The following NT5C1B variants were observed in gnomAD, a reference collection of about 807,000 sequenced individuals.
NT5C1B encodes the protein 5'-nucleotidase, cytosolic IB, also known as cytosolic 5'-nucleotidase 1B.
A neutral mutation model predicts 57.8 loss-of-function variants in NT5C1B; 44 were observed. The ratio of observed to expected loss-of-function variants is 0.76; its 90% confidence interval spans 0.60 to 0.98. The LOEUF is 0.98. NT5C1B is among the 50% of genes least tolerant of loss of function. The pLI is 0.00. For missense variants in NT5C1B, 742 were observed against 719.5 expected, an observed-to-expected ratio of 1.03 and a Z score of -0.36; for synonymous variants, 284 against 282.6, an observed-to-expected ratio of 1.00 and a Z score of -0.05.
chr2:18,576,284 G>A, exon 8 of NT5C1B: 3 of 1,613,898 alleles, frequency 1.9e-6, no homozygotes, highest in Non-Finnish European at 2.5e-6. Context: ...GAAGAGGACA[G>A]CATCCCCATC....
In NT5C1B at chr2:18,576,483, A is replaced by T. The variant is rs976756497; in HGVS notation, c.1145-115T>A. The T allele has an allele frequency of 4.3e-6, 6 of 1,382,806 alleles. No homozygotes were observed. The African/African-American group carries it at 7.3e-5, about 17-fold the overall frequency. The allele number at this position is 1,382,806 out of a possible 1,614,324, so 85.7% of individuals were successfully genotyped here. On this transcript the variant is annotated intron_variant, in intron 7 of 8. Coordinates refer to ENST00000304081, the Ensembl canonical transcript of NT5C1B. Reference sequence around the variant, plus strand: ...ATGTTTTCTCTCTAGCTATTACCTGATGGCTCAACTCCTCTTCACAACCAC... The same window carrying T: ...ATGTTTTCTCTCTAGCTATTACCTGTTGGCTCAACTCCTCTTCACAACCAC...
chr2:18,587,200 A>G (rs1022958706), intron 2 of NT5C1B: 3 of 1,600,264 alleles, frequency 1.9e-6, no homozygotes, highest in South Asian at 1.1e-5. Flanking sequence ...AAAGTGGTCA[A>G]TGCCATGGCC....
chr2:18,565,011 T>A (rs1463178801), intron 8 of NT5C1B, among the ~76,000 whole-genome samples: 1 of 152,206 alleles, frequency 6.6e-6, no homozygotes, highest in Non-Finnish European at 1.5e-5. Context: ...CTTCAATGTC[T>A]CTGTAGTCCT....
chr2:18,567,748 C>T (rs939302998), intron 8 of NT5C1B, among the ~76,000 whole-genome samples: 2 of 152,184 alleles, frequency 1.3e-5, no homozygotes, highest in Non-Finnish European at 2.9e-5. Context: ...AATGAACAAT[C>T]TACTTTTAGG....
At chr2:18,578,054 C>T (rs551063886) in intron 6 of NT5C1B, among the ~76,000 whole-genome samples, 2 of 152,134 alleles carry the variant, frequency 1.3e-5, no homozygotes, top group Admixed American at 1.3e-4. Flanking sequence ...AAAATATAAC[C>T]TCCCAAGATT....
At chr2:18,587,806 T>C (rs905939113) in intron 1 of NT5C1B, among the ~76,000 whole-genome samples, 3 of 152,200 alleles carry the variant, frequency 2.0e-5, no homozygotes, top group Non-Finnish European at 4.4e-5. Context: ...CAAGTTTTAA[T>C]ATAGAAATTT....
intron 8 of NT5C1B, among the ~76,000 whole-genome samples, chr2:18,565,371 C>T (rs1558365260): frequency 6.6e-6 from 1 of 152,154 alleles, no homozygotes; most frequent in Admixed American, 6.5e-5. Context: ...TTCTCAAAAA[C>T]ATCTTATGGT....
At chr2:18,566,166 T>C (rs974139890) in intron 8 of NT5C1B, among the ~76,000 whole-genome samples, 1 of 152,198 alleles carries the variant, frequency 6.6e-6, no homozygotes, top group African/African-American at 2.4e-5. Context: ...TCTGCCTTTT[T>C]CTCATAGTAT....
intron 8 of NT5C1B, among the ~76,000 whole-genome samples, chr2:18,575,215 A>G (rs1294650442): frequency 1.3e-5 from 2 of 152,102 alleles, no homozygotes; most frequent in African/African-American, 4.8e-5. Context: ...AATATAACAA[A>G]GAATTTTCTT....
At chr2:18,569,216 C>T (rs1029100083) in intron 8 of NT5C1B, among the ~76,000 whole-genome samples, 2 of 151,576 alleles carry the variant, frequency 1.3e-5, no homozygotes, top group Non-Finnish European at 2.9e-5. Flanking sequence ...TAAACACTAG[C>T]GTAACTAATA....
exon 9 of NT5C1B, chr2:18,563,942 G>A: frequency 6.2e-7 from 1 of 1,614,202 alleles, no homozygotes; most frequent in South Asian, 1.1e-5. Context: ...GCAAGGAAAA[G>A]AGCTTCGTCT....
chr2:18,588,908 A>G (rs975419699), intron 1 of NT5C1B, among the ~76,000 whole-genome samples: 1 of 152,218 alleles, frequency 6.6e-6, no homozygotes, highest in Non-Finnish European at 1.5e-5. Context: ...TTCTACTAAT[A>G]CCAAGTGACT....
chr2:18,580,932 T>C (rs1248677068), intron 6 of NT5C1B, among the ~76,000 whole-genome samples: 2 of 152,192 alleles, frequency 1.3e-5, no homozygotes, highest in Non-Finnish European at 2.9e-5. Context: ...ACATAGGGCC[T>C]ACTTGAGGGT....
chr2:18,574,044 G>T (rs934081672), intron 8 of NT5C1B, among the ~76,000 whole-genome samples: 6 of 152,040 alleles, frequency 3.9e-5, no homozygotes, highest in African/African-American at 1.2e-4. Context: ...CTATGGAATG[G>T]GAGAAAATAT....
intron 5 of NT5C1B, chr2:18,583,274 A>C: frequency 3.7e-6 from 1 of 270,944 alleles, no homozygotes; most frequent in Non-Finnish European, 6.9e-6. Flanking sequence ...ACAGGTAGAG[A>C]GTAGGGTCAG....
chr2:18,569,035 G>T (rs900507617), intron 8 of NT5C1B, among the ~76,000 whole-genome samples: 2 of 152,138 alleles, frequency 1.3e-5, no homozygotes, highest in Non-Finnish European at 2.9e-5. Context: ...GAGGTTCACA[G>T]TAGCAAAGTA....
At chr2:18,576,639 G>T in intron 7 of NT5C1B, 134 bp downstream of exon 7, 1 of 1,426,760 alleles carries the variant, frequency 7.0e-7, no homozygotes, top group Non-Finnish European at 9.4e-7. Flanking sequence ...AGACTTAAGT[G>T]TTGCCCCATG....
chr2:18,566,796 C>G (rs992643189), intron 8 of NT5C1B, among the ~76,000 whole-genome samples: 1 of 152,108 alleles, frequency 6.6e-6, no homozygotes, highest in African/African-American at 2.4e-5. Flanking sequence ...GACTGTTACT[C>G]CCACCCTAAT....
chr2:18,571,702 T>TTC (rs1203624508), intron 8 of NT5C1B, among the ~76,000 whole-genome samples: 35 of 107,008 alleles, frequency 3.3e-4, no homozygotes, highest in East Asian at 7.7e-4. Flanking sequence ...CTCTCTCTCT[T>TTC]TCTCTCTGTG....
Sources: gnomAD v4.1 joint callset for allele counts (sites outside exome capture counted in the v4.1 genomes callset) on GRCh38, gnomAD v4.1.1 for gene constraint, MANE v1.5 for transcripts, NCBI Gene and HGNC (gene_info 2026-07-23, HGNC 2026-07-21) for gene names.